The following NAALADL2 variants were observed in gnomAD, a reference collection of about 807,000 sequenced individuals.
NAALADL2 encodes the protein N-acetylated alpha-linked acidic dipeptidase like 2, also known as inactive N-acetylated-alpha-linked acidic dipeptidase-like protein 2.
Under a neutral mutation model 87.2 loss-of-function variants are expected in NAALADL2, and 76 were observed. The ratio of observed to expected loss-of-function variants is 0.87; its 90% CI spans 0.72 to 1.05. NAALADL2 has a LOEUF of 1.05. Ranked by LOEUF, NAALADL2 falls within the 50% of genes least tolerant of loss-of-function variation. The pLI, the probability that NAALADL2 is intolerant of heterozygous loss-of-function variation, is 0.00. For missense variants in NAALADL2, 1,089 were observed against 945.8 expected, an observed-to-expected ratio of 1.15 and a Z score of -1.99; for synonymous variants, 354 against 331.0, an observed-to-expected ratio of 1.07 and a Z score of -0.75.
At chr3:174,655,941 C>G (rs192679763) in intron 2 of NAALADL2, among the ~76,000 whole-genome samples, 3 of 152,088 alleles carry the variant, frequency 2.0e-5, no homozygotes. Flanking sequence ...TTGTTCTTAC[C>G]GGTGGATACA....
chr3:175,399,570 T>C (rs1437285053), intron 5 of NAALADL2, among the ~76,000 whole-genome samples: 1 of 152,142 alleles, frequency 6.6e-6, no homozygotes, highest in Non-Finnish European at 1.5e-5. Flanking sequence ...CCATGGCATT[T>C]GTAAACTGTC....
intron 11 of NAALADL2, among the ~76,000 whole-genome samples, chr3:175,698,762 G>A (rs1399841751): frequency 6.6e-6 from 1 of 151,576 alleles, no homozygotes; most frequent in Admixed American, 6.6e-5. Context: ...ATTACCTCCA[G>A]CTTTATAATC....
intron 3 of NAALADL2, among the ~76,000 whole-genome samples, chr3:175,250,075 C>A (rs1748743338): frequency 6.6e-6 from 1 of 151,190 alleles, no homozygotes; most frequent in Non-Finnish European, 1.5e-5. Flanking sequence ...AAGGCTGAGG[C>A]AGGAGAATCG....
chr3:175,562,948 G>T (rs1716504289), intron 9 of NAALADL2, among the ~76,000 whole-genome samples: 1 of 92,290 alleles, frequency 1.1e-5, no homozygotes. Context: ...CAAAAATATA[G>T]GAGGGGTGTG....
intron 11 of NAALADL2, among the ~76,000 whole-genome samples, chr3:175,644,669 A>G (rs923441030): frequency 1.5e-5 from 2 of 137,316 alleles, no homozygotes; most frequent in Non-Finnish European, 3.1e-5. Context: ...TTTATCTGAT[A>G]GTTTGTGGTT....
chr3:175,310,778 G>A (rs1044357424), intron 4 of NAALADL2, among the ~76,000 whole-genome samples: 4 of 151,670 alleles, frequency 2.6e-5, no homozygotes, highest in East Asian at 3.9e-4. Context: ...TGTCTCATAC[G>A]ATTACATATA....
At chr3:175,582,326 A>T (rs1021216081) in intron 10 of NAALADL2, among the ~76,000 whole-genome samples, 1 of 152,144 alleles carries the variant, frequency 6.6e-6, no homozygotes, top group Non-Finnish European at 1.5e-5. Flanking sequence ...TGCAAGGAGG[A>T]CAGCTTTCCC....
At chr3:174,864,767 T>C (rs913733854) in intron 1 of NAALADL2, among the ~76,000 whole-genome samples, 1 of 152,080 alleles carries the variant, frequency 6.6e-6, no homozygotes, top group African/African-American at 2.4e-5. Context: ...TAAACAAATT[T>C]AGCTAATTGA....
At chr3:174,678,987 A>G (rs1727288843) in intron 2 of NAALADL2, among the ~76,000 whole-genome samples, 2 of 152,030 alleles carry the variant, frequency 1.3e-5, no homozygotes, top group South Asian at 4.1e-4. Context: ...TGCAGATAGT[A>G]TCTTTCTTTT....
intron 11 of NAALADL2, among the ~76,000 whole-genome samples, chr3:175,678,349 A>G (rs142840451): frequency 6.6e-6 from 1 of 152,300 alleles, no homozygotes; most frequent in African/African-American, 2.4e-5. Flanking sequence ...ATATCATTTG[A>G]CAATGAGAAA....
intron 9 of NAALADL2, among the ~76,000 whole-genome samples, chr3:175,492,394 A>G (rs192453232): frequency 9.9e-5 from 15 of 152,280 alleles, no homozygotes; most frequent in African/African-American, 3.1e-4. Flanking sequence ...CACTTTTATC[A>G]TTGTCCTTAA....
intron 1 of NAALADL2, among the ~76,000 whole-genome samples, chr3:175,066,098 G>T (rs1344634718): frequency 7.2e-5 from 11 of 152,126 alleles, no homozygotes. Flanking sequence ...ATCCTGAAAT[G>T]TAGCCACTCT....
chr3:175,079,203 T>G (rs1717247319), intron 1 of NAALADL2: 1 of 152,236 alleles, frequency 6.6e-6, no homozygotes, highest in South Asian at 2.1e-4. Context: ...TCTTTCCATG[T>G]GCTTATTAGC....
At chr3:174,803,369 G>A (rs1719066526) in intron 3 of NAALADL2, among the ~76,000 whole-genome samples, 1 of 151,980 alleles carries the variant, frequency 6.6e-6, no homozygotes, top group Admixed American at 6.6e-5. Context: ...TAGATTCTAG[G>A]TATTAGCCCT....
intron 9 of NAALADL2, among the ~76,000 whole-genome samples, chr3:175,563,981 C>T (rs1165151192): frequency 6.6e-6 from 1 of 152,156 alleles, no homozygotes; most frequent in Admixed American, 6.6e-5. Flanking sequence ...TGCGATGATG[C>T]TGTCATCTGT....
At chr3:174,501,521 G>A (rs1233131291) in intron 1 of NAALADL2, among the ~76,000 whole-genome samples, 1 of 152,038 alleles carries the variant, frequency 6.6e-6, no homozygotes, top group Non-Finnish European at 1.5e-5. Context: ...AAGCCATCTG[G>A]GTCTGGATTT....
chr3:175,770,563 G>A (rs934600584), intron 13 of NAALADL2, among the ~76,000 whole-genome samples: 1 of 152,150 alleles, frequency 6.6e-6, no homozygotes, highest in Non-Finnish European at 1.5e-5. Flanking sequence ...CATGCAAATA[G>A]TAATCTACTC....
chr3:175,327,560 C>T (rs994843935), intron 5 of NAALADL2, among the ~76,000 whole-genome samples: 8 of 151,992 alleles, frequency 5.3e-5, no homozygotes, highest in Non-Finnish European at 1.2e-4. Flanking sequence ...AGCACACATA[C>T]GTATAGGAGA....
chr3:175,381,552 T>C (rs1452287856), intron 5 of NAALADL2, among the ~76,000 whole-genome samples: 2 of 152,170 alleles, frequency 1.3e-5, no homozygotes, highest in Non-Finnish European at 2.9e-5. Flanking sequence ...TTAAGTGCTC[T>C]TTTTACTAAT....
Sources: allele counts gnomAD v4.1 joint callset (sites outside exome capture counted in the v4.1 genomes callset), GRCh38; gene constraint gnomAD v4.1.1; transcripts MANE v1.5; gene names NCBI Gene and HGNC (gene_info 2026-07-23, HGNC 2026-07-21).